Variants in FAM83G observed in about 807,000 individuals in gnomAD.
FAM83G encodes the protein scaffolding CK1 anchoring protein G, also known as protein FAM83G.
Under a neutral mutation model 61.5 loss-of-function variants are expected in FAM83G, and 38 were observed. That is an observed-to-expected ratio of 0.62 (90% CI 0.48 to 0.81). FAM83G has a LOEUF of 0.81. FAM83G is among the 30% of genes least tolerant of loss of function. The probability of loss-of-function intolerance (pLI) is 0.00; values close to 1 mark genes in which losing one functional copy is unlikely to be tolerated. For missense variants in FAM83G, 989 were observed against 1,133.6 expected (o/e 0.87, Z 1.83); for synonymous variants, 470 against 476.1 (o/e 0.99, Z 0.17).
At chr17:19,005,655 C>G (rs185868539), upstream of FAM83G, among the ~76,000 whole-genome samples, 263 of 152,082 alleles carry the variant, frequency 1.7e-3, 2 homozygotes, top group African/African-American at 5.9e-3. Context: ...AAACCCCCCC[C>G]CTCCAAGGCC....
chr17:18,976,117 G>A lies in FAM83G; in HGVS notation c.2082+1467C>T, dbSNP rs1354646406. The A allele has an allele frequency of 6.7e-5, 10 of 148,416 alleles. No homozygotes were observed. In the Admixed American group the frequency reaches 7.0e-4, roughly 10 times the overall value. The allele number at this position is 148,416 out of a possible 1,614,324, so 9.2% of individuals were successfully genotyped here. ...GGCAGGAGAATGGCGTGAACCCGGA[G>A]GCGGAGCTTGCAGTGAGCCGAGATC... On this transcript the variant is annotated intron_variant, in intron 5 of 5. Coordinates refer to ENST00000388995, the MANE Select transcript of FAM83G (RefSeq NM_001039999.3).
At position 18,971,647 on chromosome 17, in the gene FAM83G, C is replaced by T; in HGVS notation, c.2184G>A (p.Gln728=). Residue 728 remains glutamine, a synonymous_variant, in exon 6 of 6, where the codon CAG becomes CAA. Transcript: ENST00000388995. The surrounding 1 kb of genome is among the most constrained non-coding windows in gnomAD (Gnocchi z 5.5). Reference sequence around the variant, plus strand: ...CTGGGCCAGCGTTTCTGGTAGAGCTCTGGACGCTGTCAGCAGCAGAGCGGT... The same window carrying T: ...CTGGGCCAGCGTTTCTGGTAGAGCTTTGGACGCTGTCAGCAGCAGAGCGGT... ...PRYRSAADSV[Q]SSTRNAGPAM... The T allele has an allele frequency of 6.2e-7, 1 of 1,613,418 alleles. No individual in the cohort carries two copies. The highest frequency in any genetic ancestry group is 8.5e-7 in the Non-Finnish European group (1 of 1,179,940).
At chr17:18,998,286 A>C (rs1002705162) in intron 2 of FAM83G, among the ~76,000 whole-genome samples, 1 of 152,182 alleles carries the variant, frequency 6.6e-6, no homozygotes, top group African/African-American at 2.4e-5. Flanking sequence ...CTGCGTCAAG[A>C]CAAGGCCTGA....
Position 18,970,336 on chromosome 17 carries a change from TGGAAGGGAGG to T in FAM83G, c.*1013_*1022del, listed in dbSNP as rs1405301269. 6.5e-6 allele frequency: 1 copy of T among 153,326 alleles called. No individual in the cohort carries two copies. The highest frequency in any genetic ancestry group is 6.5e-5 in the Admixed American group (1 of 15,468). 9.5% of individuals were successfully genotyped at this position (153,326 alleles called of 1,614,324 possible). A position where few individuals can be genotyped will look rare whatever the true frequency, so the allele number is the denominator to read the frequency against. On this transcript the variant is annotated 3_prime_UTR_variant, in exon 6 of 6. Coordinates refer to ENST00000388995, the MANE Select transcript of FAM83G (RefSeq NM_001039999.3). ...GGGATCCCAGCAGCCAGGCCCAGTC[TGGAAGGGAGG>T]GGAGTGACACAGACACAGATGGGCC...
At position 18,970,433 on chromosome 17, in the gene FAM83G, TG is replaced by T. The variant is rs1385073215; in HGVS notation, c.*925del. The T allele has an allele frequency of 6.4e-6, 1 of 156,986 alleles. No homozygotes were observed. The highest frequency in any genetic ancestry group is 1.9e-4 in the East Asian group (1 of 5,330). The allele number at this position is 156,986 out of a possible 1,614,324, so 9.7% of individuals were successfully genotyped here. ...ACAGGAACAGTGAGGTGTTTTGGAC[TG>T]GAGAGGAAAAAGCCCCGGCTTGAGC... On this transcript the variant is annotated 3_prime_UTR_variant, in exon 6 of 6. Coordinates refer to ENST00000388995, the MANE Select transcript of FAM83G (RefSeq NM_001039999.3).
In FAM83G at chr17:18,969,388, C is replaced by G. The variant is rs1196603487; in HGVS notation, c.*1971G>C. 1.2e-6 allele frequency: 2 copies of G among 1,613,726 alleles called. No homozygotes were observed. Among genetic ancestry groups the G allele is most frequent in the Admixed American group, 1.7e-5 (1 of 60,012 alleles). On this transcript the variant is annotated 3_prime_UTR_variant, in exon 6 of 6. Coordinates refer to ENST00000388995, the MANE Select transcript of FAM83G (RefSeq NM_001039999.3). ...ACACGGACGCCCTGCAGACGCTCAT[C>G]ATGGTGGTGGGGGCTGTCATCCTGA...
At chr17:19,002,872 C>A (rs193069672) in intron 2 of FAM83G, among the ~76,000 whole-genome samples, 181 of 152,264 alleles carry the variant, frequency 1.2e-3, no homozygotes, top group African/African-American at 4.3e-3. Flanking sequence ...TGGCAAAATT[C>A]AGGTGGACAA....
intron 2 of FAM83G, among the ~76,000 whole-genome samples, chr17:18,992,044 G>A (rs1439854014): frequency 1.3e-5 from 2 of 152,128 alleles, no homozygotes; most frequent in Non-Finnish European, 2.9e-5. Context: ...AGCCAACAGC[G>A]AGCCTGCGCC....
chr17:19,003,754 G>A lies in FAM83G; in HGVS notation c.288C>T (p.Gly96=), dbSNP rs765732926. Reference sequence around the variant, plus strand: ...CCGCCCCGCTGGCTTCCTCGCCGTCGCCGACCCCATTGTCCTCGGGCCCCT... The same window carrying A: ...CCGCCCCGCTGGCTTCCTCGCCGTCACCGACCCCATTGTCCTCGGGCCCCT... ...PSQGPEDNGV[G]DGEEASGADG... The change falls in exon 2 of 6, where the codon GGC becomes GGT. Residue 96 remains glycine, a synonymous_variant. Transcript: ENST00000388995. This position sits in a 1 kb window ranked among gnomAD's most constrained non-coding sequence, Gnocchi z 4.5. 3.7e-5 allele frequency: 59 copies of A among 1,605,690 alleles called. No individual in the cohort carries two copies. The highest frequency in any genetic ancestry group is 3.4e-4 in the Middle Eastern group (2 of 5,824).
intron 2 of FAM83G, among the ~76,000 whole-genome samples, chr17:18,991,926 G>A (rs1366316918): frequency 6.6e-6 from 1 of 152,136 alleles, no homozygotes. Context: ...GGTGTGGGAG[G>A]ATGGCCCAAG....
intron 2 of FAM83G, among the ~76,000 whole-genome samples, chr17:18,999,075 C>T (rs1449565536): frequency 2.4e-4 from 36 of 152,204 alleles, no homozygotes; most frequent in Non-Finnish European, 5.1e-4. Flanking sequence ...GTCAGGAGTT[C>T]GAGACCCACC....
intron 2 of FAM83G, among the ~76,000 whole-genome samples, chr17:18,993,170 G>A (rs1349099434): frequency 6.6e-6 from 1 of 152,092 alleles, no homozygotes; most frequent in African/African-American, 2.4e-5. Flanking sequence ...AACGCATCCT[G>A]ACCCCTCTCC....
Position 18,970,937 on chromosome 17 carries a change from T to C in FAM83G, c.*422A>G. 2.8e-6 allele frequency: 4 copies of C among 1,420,618 alleles called. No homozygotes were observed. The highest frequency in any genetic ancestry group is 1.2e-5 in the South Asian group (1 of 85,662). The allele number at this position is 1,420,618 out of a possible 1,614,324, so 88.0% of individuals were successfully genotyped here. A position where few individuals can be genotyped will look rare whatever the true frequency, so the allele number is the denominator to read the frequency against. ...ATGCATCAGGAAGTTTCTTGTGAGATGAAGGCAGGGGGGAGCCCAGGGAGT... is the reference window on the plus strand; with the variant it reads ...ATGCATCAGGAAGTTTCTTGTGAGACGAAGGCAGGGGGGAGCCCAGGGAGT... On this transcript the variant is annotated 3_prime_UTR_variant, in exon 6 of 6. Transcript: ENST00000388995.
intron 5 of FAM83G, chr17:18,977,073 G>A (rs770542664): frequency 1.3e-6 from 2 of 1,569,520 alleles, no homozygotes; most frequent in Non-Finnish European, 8.6e-7. Flanking sequence ...ACCAGAAGAA[G>A]AGGCAAAGGA....
In FAM83G at chr17:18,971,428, G is replaced by T. The variant is rs372035924; in HGVS notation, c.2403C>A (p.Gly801=). 115 of 1,613,656 alleles carry T rather than the reference G, an allele frequency of 7.1e-5. No homozygotes were observed. The East Asian group carries it at 8.2e-4, about 12-fold the overall frequency. The change falls in exon 6 of 6, where the codon GGC becomes GGA. Residue 801 remains glycine (G), a synonymous_variant. Transcript: ENST00000388995. This position sits in a 1 kb window ranked among gnomAD's most constrained non-coding sequence, Gnocchi z 5.5. ...SQSKHLKART[G]GSQWASSDSK... is the part of the protein sequence containing the mutation. Reference sequence around the variant, plus strand: ...AATCCGATGAGGCCCACTGGCTACCGCCCGTCCTGGCCTTTAGGTGCTTCG... The same window carrying T: ...AATCCGATGAGGCCCACTGGCTACCTCCCGTCCTGGCCTTTAGGTGCTTCG...
rs1597829174 is a variant in FAM83G at position 18,968,931 on chromosome 17, T to G, written c.*2428A>C. The G allele has an allele frequency of 1.1e-5, 8 of 757,100 alleles. No homozygotes were observed. Among genetic ancestry groups the G allele is most frequent in the Non-Finnish European group, 1.4e-5 (7 of 493,444 alleles). 46.9% of individuals were successfully genotyped at this position (757,100 alleles called of 1,614,324 possible). A position where few individuals can be genotyped will look rare whatever the true frequency, so the allele number is the denominator to read the frequency against. ...ATGCAGGCAGGCAGGCGAGTGGGGG[T>G]CTCCCCTCCTTATCCACAGGCCACC... On this transcript the variant is annotated 3_prime_UTR_variant, in exon 6 of 6. Transcript: ENST00000388995. The surrounding 1 kb of genome is among the most constrained non-coding windows in gnomAD (Gnocchi z 4.1).
chr17:19,003,946 C>T lies in FAM83G; in HGVS notation c.96G>A (p.Arg32=). 6.2e-7 allele frequency: 1 copy of T among 1,612,956 alleles called. No individual in the cohort carries two copies. Among genetic ancestry groups the T allele is most frequent in the Non-Finnish European group, 8.5e-7 (1 of 1,179,932 alleles). ...KPEFFYSEEQ[R]LALEALVARG... Reference sequence around the variant, plus strand: ...GGGCCACCAGGGCCTCCAGCGCCAGCCGCTGCTCCTCGCTGTAGAAGAACT... The same window carrying T: ...GGGCCACCAGGGCCTCCAGCGCCAGTCGCTGCTCCTCGCTGTAGAAGAACT... Residue 32 remains arginine (R), a synonymous_variant, in exon 2 of 6, where the codon CGG becomes CGA. Coordinates refer to ENST00000388995, the MANE Select transcript of FAM83G (RefSeq NM_001039999.3). The surrounding 1 kb of genome is among the most constrained non-coding windows in gnomAD (Gnocchi z 4.5).
upstream of FAM83G, among the ~76,000 whole-genome samples, chr17:19,005,890 A>C (rs559687107): frequency 2.6e-5 from 4 of 152,340 alleles, no homozygotes; most frequent in East Asian, 3.9e-4. Context: ...CCCCAGGGCC[A>C]GAGAGGGGAG....
intron 4 of FAM83G, chr17:18,979,193 C>T (rs2043066325): frequency 2.1e-6 from 1 of 470,830 alleles, no homozygotes; most frequent in South Asian, 2.5e-5. Context: ...CACCAACCCC[C>T]ATGTAACCAT....
Sources: allele counts gnomAD v4.1 joint callset (sites outside exome capture counted in the v4.1 genomes callset), GRCh38; gene constraint gnomAD v4.1.1; non-coding constraint Gnocchi (gnomAD v3.1); transcripts MANE v1.5; gene names NCBI Gene and HGNC (gene_info 2026-07-23, HGNC 2026-07-21).